The following KIDINS220 variants were observed in gnomAD, a reference collection of about 807,000 sequenced individuals.
The protein encoded by KIDINS220 is kinase D-interacting substrate of 220 kDa.
KIDINS220 carries 63 observed loss-of-function variants against 157.6 expected under a neutral mutation model. The ratio of observed to expected loss-of-function variants is 0.40; its 90% CI spans 0.33 to 0.49. KIDINS220 has a LOEUF of 0.49. Among genes scored for constraint, KIDINS220 ranks in the 20% least tolerant of loss-of-function variants. The pLI is 0.66. For synonymous variants in KIDINS220, 732 were observed against 783.6 expected (o/e 0.93, Z 1.10); for missense variants, 1,772 against 2,171.2 (o/e 0.82, Z 3.65).
downstream of KIDINS220, among the ~76,000 whole-genome samples, chr2:8,726,672 T>G (rs140316276): frequency 6.8e-3 from 1,039 of 152,294 alleles, 41 homozygotes; most frequent in Admixed American, 0.06. Context: ...TGCCATAACC[T>G]ACTGCTCCTA....
chr2:8,831,595 C>A (rs1377273504), intron 1 of KIDINS220, among the ~76,000 whole-genome samples: 1 of 152,206 alleles, frequency 6.6e-6, no homozygotes, highest in Non-Finnish European at 1.5e-5. Context: ...GTGTATACAT[C>A]TAGTTGTAGA....
At chr2:8,798,595 T>C (rs1674283030) in intron 9 of KIDINS220, among the ~76,000 whole-genome samples, 1 of 152,250 alleles carries the variant, frequency 6.6e-6, no homozygotes, top group African/African-American at 2.4e-5. Flanking sequence ...CATCAGTACC[T>C]GAACCCTGTA....
intron 9 of KIDINS220, among the ~76,000 whole-genome samples, chr2:8,798,922 A>G (rs1674325354): frequency 6.6e-6 from 1 of 152,218 alleles, no homozygotes; most frequent in South Asian, 2.1e-4. Flanking sequence ...TAAAAGTCCA[A>G]GTAGGTGGCC....
At chr2:8,777,229 T>C (rs1671089601) in intron 20 of KIDINS220, among the ~76,000 whole-genome samples, 2 of 152,204 alleles carry the variant, frequency 1.3e-5, no homozygotes, top group Non-Finnish European at 2.9e-5. Context: ...GGTCTGGCTA[T>C]TTATAGAAAC....
chr2:8,778,232 A>T (rs1671234413), intron 20 of KIDINS220, among the ~76,000 whole-genome samples: 1 of 152,218 alleles, frequency 6.6e-6, no homozygotes, highest in Non-Finnish European at 1.5e-5. Context: ...TCCCACAAGC[A>T]TTTAGGGAAG....
rs377121966 is a variant in KIDINS220 at position 8,827,481 on chromosome 2, A to T, written c.-36-352T>A. Among the ~76,000 whole-genome samples, 8 of 152,212 alleles carry T rather than the reference A, an allele frequency of 5.3e-5. No individual in the cohort carries two copies. The East Asian group carries it at 1.5e-3, about 29-fold the overall frequency. On this transcript the variant is annotated intron_variant, in intron 1 of 29. Coordinates refer to ENST00000256707, the MANE Select transcript of KIDINS220 (RefSeq NM_020738.4). The stretch of plus-strand genomic sequence containing the variant: ...GCCAAAAGCATTGAAATTGTTCATG[A>T]CTTACCTCTTCCTCTTACACCCTAC...
intron 21 of KIDINS220, 60 bp downstream of exon 21, chr2:8,776,688 A>G: frequency 6.8e-7 from 1 of 1,462,294 alleles, no homozygotes. Context: ...TCTGAAATTA[A>G]ATGGTTTTGT....
chr2:8,747,955 C>T lies in KIDINS220; in HGVS notation c.3460G>A (p.Gly1154Ser), dbSNP rs374088731. Residue 1154 changes from glycine to serine, a missense_variant, in exon 25 of 30, where the codon GGC becomes AGC. Transcript: ENST00000256707. ...GGACGTGAGATGAGATGTTGGGAGC[C>T]GCCAGGGTAATACCTTGGCGTGTAA... ...YLYTPRYYPGGSQHLISRPSV... is the reference protein window; with the variant it reads ...YLYTPRYYPGSSQHLISRPSV... 56 of 1,603,542 alleles carry T rather than the reference C, an allele frequency of 3.5e-5. No individual in the cohort carries two copies. Among genetic ancestry groups the T allele is most frequent in the East Asian group, 2.3e-4 (10 of 43,972 alleles).
At chr2:8,825,000 G>C (rs898167276) in intron 2 of KIDINS220, among the ~76,000 whole-genome samples, 1 of 152,012 alleles carries the variant, frequency 6.6e-6, no homozygotes, top group Non-Finnish European at 1.5e-5. Flanking sequence ...AAAGTAAAAC[G>C]GTCACTGCCA....
intron 6 of KIDINS220, among the ~76,000 whole-genome samples, chr2:8,807,149 T>C (rs1316164901): frequency 6.6e-6 from 1 of 152,002 alleles, no homozygotes; most frequent in African/African-American, 2.4e-5. Flanking sequence ...CCCTAAGAGG[T>C]TAATTCATAG....
chr2:8,826,761 GA>G lies in KIDINS220; in HGVS notation c.108+224del, dbSNP rs909887481. ...CTGAATATTAATTATTCCATCAGGG[GA>G]AAAAAAACAATAAATCTAAATTCAA... On this transcript the variant is annotated intron_variant, in intron 2 of 29. Coordinates refer to ENST00000256707, the MANE Select transcript of KIDINS220 (RefSeq NM_020738.4). The G allele has an allele frequency of 1.4e-4, 41 of 296,006 alleles. 1 individual carries two copies. Among genetic ancestry groups the G allele is most frequent in the East Asian group, 1.1e-3 (19 of 17,672 alleles). 18.3% of individuals were successfully genotyped at this position (296,006 alleles called of 1,614,324 possible). A position where few individuals can be genotyped will look rare whatever the true frequency, so the allele number is the denominator to read the frequency against.
intron 22 of KIDINS220, among the ~76,000 whole-genome samples, chr2:8,764,658 C>T (rs541622426): frequency 6.6e-6 from 1 of 152,298 alleles, no homozygotes; most frequent in South Asian, 2.1e-4. Flanking sequence ...ACAAAAGAAA[C>T]ATTTTACCCA....
intron 4 of KIDINS220, among the ~76,000 whole-genome samples, chr2:8,814,250 A>C (rs889941666): frequency 1.3e-5 from 2 of 152,224 alleles, no homozygotes; most frequent in African/African-American, 4.8e-5. Flanking sequence ...GATTCAATAA[A>C]AAAGACCAAT....
intron 20 of KIDINS220, among the ~76,000 whole-genome samples, chr2:8,777,906 T>C (rs1299615713): frequency 2.0e-5 from 3 of 152,222 alleles, no homozygotes; most frequent in South Asian, 2.1e-4. Flanking sequence ...TCCATATCTG[T>C]AAAGGGTAGA....
At chr2:8,766,231 C>G (rs1334993893) in intron 22 of KIDINS220, among the ~76,000 whole-genome samples, 1 of 152,176 alleles carries the variant, frequency 6.6e-6, no homozygotes, top group South Asian at 2.1e-4. Context: ...ACCACATCAG[C>G]TCCCTTGTTG....
intron 26 of KIDINS220, chr2:8,740,179 A>G (rs1001934681): frequency 6.1e-6 from 6 of 983,944 alleles, no homozygotes; most frequent in Non-Finnish European, 7.2e-6. Context: ...ACCCAGAGTC[A>G]CACAGCTTTA....
In KIDINS220 at chr2:8,729,703, GTAGA is replaced by G; in HGVS notation, c.*1013_*1016del. On this transcript the variant is annotated 3_prime_UTR_variant, in exon 30 of 30. Transcript: ENST00000256707. ...ACATGCTGACTTAGGAACAGATGAA[GTAGA>G]TAAAGTCTATCCTAGTATAGAGAGC... is the stretch of plus-strand genomic sequence containing the variant. 1.0e-6 allele frequency: 1 copy of G among 984,698 alleles called. No homozygotes were observed. Among genetic ancestry groups the G allele is most frequent in the Non-Finnish European group, 1.2e-6 (1 of 829,334 alleles). 61.0% of individuals were successfully genotyped at this position (984,698 alleles called of 1,614,324 possible). A position where few individuals can be genotyped will look rare whatever the true frequency, so the allele number is the denominator to read the frequency against.
chr2:8,770,309 G>C (rs1158153054), intron 22 of KIDINS220, among the ~76,000 whole-genome samples: 1 of 152,182 alleles, frequency 6.6e-6, no homozygotes, highest in Non-Finnish European at 1.5e-5. Flanking sequence ...GGGAGGCTGA[G>C]ATGGGAGGAT....
chr2:8,804,963 G>A (rs941257738), intron 7 of KIDINS220, among the ~76,000 whole-genome samples: 5 of 152,156 alleles, frequency 3.3e-5, no homozygotes, highest in African/African-American at 1.2e-4. Context: ...TGAAAGCTCA[G>A]GTTGTCTGAC....
Sources: gnomAD v4.1 joint callset for allele counts (sites outside exome capture counted in the v4.1 genomes callset) on GRCh38, gnomAD v4.1.1 for gene constraint, MANE v1.5 for transcripts, NCBI Gene and HGNC (gene_info 2026-07-23, HGNC 2026-07-21) for gene names.